CNTNAP5: variants seen among roughly 807,000 people sequenced by gnomAD.
The protein encoded by CNTNAP5 is contactin-associated protein-like 5.
Under a neutral mutation model 150.2 loss-of-function variants are expected in CNTNAP5, and 72 were observed. The observed-to-expected ratio is 0.48, with a 90% CI of 0.40 to 0.58. The LOEUF (loss-of-function observed/expected upper bound fraction) is 0.58. CNTNAP5 is among the 20% of genes least tolerant of loss of function. The pLI is 0.00. For synonymous variants in CNTNAP5, 672 were observed against 619.8 expected (o/e 1.08, Z -1.25); for missense variants, 1,636 against 1,626.2 (o/e 1.01, Z -0.10).
intron 21 of CNTNAP5, among the ~76,000 whole-genome samples, chr2:124,893,046 T>C (rs770051563): frequency 6.6e-5 from 10 of 152,066 alleles, no homozygotes; most frequent in African/African-American, 2.2e-4. Context: ...GGGAAAATGA[T>C]TGCTAAATTA....
At chr2:124,624,451 G>A (rs558973248) in intron 12 of CNTNAP5, among the ~76,000 whole-genome samples, 6 of 152,146 alleles carry the variant, frequency 3.9e-5, no homozygotes, top group African/African-American at 1.4e-4. Flanking sequence ...TCTCATTTAT[G>A]TATTCATTTG....
intron 19 of CNTNAP5, among the ~76,000 whole-genome samples, chr2:124,834,791 G>GTATA (rs35344366): frequency 0.14 from 20,050 of 147,212 alleles, 1,501 homozygotes; most frequent in Non-Finnish European, 0.18. Context: ...ATATTTCACA[G>GTATA]TATATATATA....
At chr2:124,084,924 G>GTTTTGTTTTTT (rs1553435818) in intron 1 of CNTNAP5, among the ~76,000 whole-genome samples, 2 of 89,980 alleles carry the variant, frequency 2.2e-5, no homozygotes, top group Admixed American at 3.5e-4. Context: ...CAAGTTTCCT[G>GTTTTGTTTTTT]TTTTTTTTTT....
chr2:124,657,073 G>A (rs145037819), intron 13 of CNTNAP5, among the ~76,000 whole-genome samples: 50 of 152,186 alleles, frequency 3.3e-4, no homozygotes, highest in African/African-American at 1.2e-3. Flanking sequence ...ATTATCCAGC[G>A]GCAAGGAGAA....
chr2:124,572,155 A>C (rs1441869545), intron 11 of CNTNAP5, among the ~76,000 whole-genome samples: 2 of 152,126 alleles, frequency 1.3e-5, no homozygotes, highest in Admixed American at 1.3e-4. Context: ...AACCTCCTTG[A>C]ATCCGTTAAT....
At chr2:124,737,695 T>G (rs935139067) in intron 13 of CNTNAP5, among the ~76,000 whole-genome samples, 4 of 152,136 alleles carry the variant, frequency 2.6e-5, no homozygotes, top group Non-Finnish European at 4.4e-5. Context: ...AAAAATAACT[T>G]TTGGAGGATG....
intron 3 of CNTNAP5, among the ~76,000 whole-genome samples, chr2:124,302,132 C>A (rs62170988): frequency 0.023 from 3,525 of 152,264 alleles, 53 homozygotes; most frequent in Non-Finnish European, 0.035. Context: ...ACAGCTAGAA[C>A]TTTGATCTGA....
At chr2:124,196,889 C>T (rs1685599937) in intron 1 of CNTNAP5, among the ~76,000 whole-genome samples, 1 of 152,170 alleles carries the variant, frequency 6.6e-6, no homozygotes, top group Non-Finnish European at 1.5e-5. Context: ...AGCCCATTTC[C>T]TTGTCTTCTG....
chr2:124,620,533 G>T (rs1387805064), intron 12 of CNTNAP5, among the ~76,000 whole-genome samples: 1 of 152,070 alleles, frequency 6.6e-6, no homozygotes, highest in African/African-American at 2.4e-5. Context: ...TCACACTGGA[G>T]TTTAAATTCT....
At chr2:124,490,676 T>C (rs1011921264) in intron 7 of CNTNAP5, among the ~76,000 whole-genome samples, 1 of 152,094 alleles carries the variant, frequency 6.6e-6, no homozygotes, top group Admixed American at 6.5e-5. Context: ...ACATTTGAAG[T>C]AAGTATGTCT....
chr2:124,593,151 A>C (rs1451573238), intron 11 of CNTNAP5, among the ~76,000 whole-genome samples: 1 of 148,442 alleles, frequency 6.7e-6, no homozygotes, highest in South Asian at 2.1e-4. Flanking sequence ...TTTTTTAATT[A>C]TACTTTAAGT....
At chr2:124,186,962 A>T (rs1186594989) in intron 1 of CNTNAP5, among the ~76,000 whole-genome samples, 1 of 152,194 alleles carries the variant, frequency 6.6e-6, no homozygotes, top group Non-Finnish European at 1.5e-5. Flanking sequence ...GTTCAAAGGC[A>T]AACTTTGTCT....
At chr2:124,590,181 AT>A (rs1173372370) in intron 11 of CNTNAP5, among the ~76,000 whole-genome samples, 1 of 152,186 alleles carries the variant, frequency 6.6e-6, no homozygotes, top group African/African-American at 2.4e-5. Flanking sequence ...CCATAAAAAA[AT>A]AAAACTTTGT....
intron 1 of CNTNAP5, among the ~76,000 whole-genome samples, chr2:124,064,826 C>T (rs879832318): frequency 1.7e-4 from 26 of 152,168 alleles, no homozygotes; most frequent in Admixed American, 3.3e-4. Context: ...TTCCCACCAC[C>T]GGGAATGCCA....
rs1157724284 is a variant in CNTNAP5 at position 124,832,903 on chromosome 2, CT to C, written c.3218-32394del. Among the ~76,000 whole-genome samples, 132 of 144,896 alleles carry C rather than the reference CT, an allele frequency of 9.1e-4. 1 individual carries two copies. The highest frequency in any genetic ancestry group is 3.1e-3 in the African/African-American group (115 of 37,456). On this transcript the variant is annotated intron_variant, in intron 19 of 23. Transcript: ENST00000682447. ...CATTTAAGCTCTGAACTTTCTTTTTCTTTTTTTTTCTTTTCCTTTTTTTTTT... is the reference window on the plus strand; with the variant it reads ...CATTTAAGCTCTGAACTTTCTTTTTCTTTTTTTTCTTTTCCTTTTTTTTTT...
intron 13 of CNTNAP5, among the ~76,000 whole-genome samples, chr2:124,690,323 T>C (rs1573549909): frequency 6.6e-6 from 1 of 152,082 alleles, no homozygotes; most frequent in African/African-American, 2.4e-5. Flanking sequence ...ATTTGAGGAC[T>C]CTTCCTCATG....
intron 1 of CNTNAP5, among the ~76,000 whole-genome samples, chr2:124,052,263 G>T (rs534064610): frequency 6.6e-6 from 1 of 152,274 alleles, no homozygotes; most frequent in African/African-American, 2.4e-5. Flanking sequence ...TTACTTTATT[G>T]AAAGTCTTTA....
intron 13 of CNTNAP5, among the ~76,000 whole-genome samples, chr2:124,706,784 A>G (rs1274984152): frequency 2.7e-5 from 1 of 37,616 alleles, no homozygotes; most frequent in Non-Finnish European, 5.4e-5. Context: ...AAGAAGAAGA[A>G]GAAGAAGAAG....
rs139259498 is a variant in CNTNAP5, at chr2:124,268,838, T to C, written c.381+26445T>C. On this transcript the variant is annotated intron_variant, in intron 3 of 23. Coordinates refer to ENST00000682447, the MANE Select transcript of CNTNAP5 (RefSeq NM_001367498.1). ...GTCCTTCACAGGCCCACAAGTGAGC[T>C]TAGAGCCCTTTGGTCAGGAAATTCT... 4.7e-3 allele frequency among the ~76,000 whole-genome samples: 709 copies of C among 152,216 alleles called. 4 individuals carry two copies. The highest frequency in any genetic ancestry group is 0.017 in the African/African-American group (688 of 41,546).
Sources: allele counts gnomAD v4.1 joint callset (sites outside exome capture counted in the v4.1 genomes callset), GRCh38; gene constraint gnomAD v4.1.1; transcripts MANE v1.5; gene names NCBI Gene and HGNC (gene_info 2026-07-23, HGNC 2026-07-21).